The following CLEC16A variants were observed in gnomAD, a reference collection of about 807,000 sequenced individuals.
CLEC16A encodes protein CLEC16A.
Under a neutral mutation model 109.5 loss-of-function variants are expected in CLEC16A, and 51 were observed. The observed-to-expected ratio is 0.47, with a 90% CI of 0.37 to 0.59. The LOEUF is 0.59. Ranked by LOEUF, CLEC16A falls within the 20% of genes least tolerant of loss-of-function variation. The pLI is 0.00. For missense variants in CLEC16A, 1,339 were observed against 1,394.0 expected (o/e 0.96, Z 0.63); for synonymous variants, 673 against 564.2 (o/e 1.19, Z -2.73).
At chr16:10,988,461 G>A (rs2043804146) in intron 10 of CLEC16A, among the ~76,000 whole-genome samples, 1 of 152,176 alleles carries the variant, frequency 6.6e-6, no homozygotes, top group Non-Finnish European at 1.5e-5. Context: ...CCATCATGGG[G>A]CTTGCCAGAG....
chr16:11,065,670 A>G (rs1286729214), intron 19 of CLEC16A, among the ~76,000 whole-genome samples: 1 of 152,260 alleles, frequency 6.6e-6, no homozygotes, highest in Non-Finnish European at 1.5e-5. Flanking sequence ...GCTGGAGAAT[A>G]ACCAGGAGGA....
intron 13 of CLEC16A, chr16:11,027,683 T>G (rs897375679): frequency 1.3e-6 from 2 of 1,574,492 alleles, no homozygotes; most frequent in African/African-American, 2.7e-5. Context: ...CTACCAAAAA[T>G]AGAGTGGGCT....
intron 19 of CLEC16A, among the ~76,000 whole-genome samples, chr16:11,107,572 G>A (rs955442121): frequency 1.3e-5 from 2 of 152,166 alleles, no homozygotes; most frequent in South Asian, 4.1e-4. Flanking sequence ...CCCTTCTTTT[G>A]TCTTGAAAGT....
At chr16:10,992,545 AAAAG>A (rs2044086390) in intron 10 of CLEC16A, among the ~76,000 whole-genome samples, 1 of 151,534 alleles carries the variant, frequency 6.6e-6, no homozygotes, top group African/African-American at 2.4e-5. Flanking sequence ...TAAAAAATAA[AAAAG>A]AAAAAGATAA....
intron 18 of CLEC16A, among the ~76,000 whole-genome samples, chr16:11,058,978 C>T (rs1463150400): frequency 6.6e-6 from 1 of 152,192 alleles, no homozygotes; most frequent in Non-Finnish European, 1.5e-5. Context: ...TGACCACCCA[C>T]GTCTTGGGCT....
intron 19 of CLEC16A, among the ~76,000 whole-genome samples, chr16:11,104,708 A>G (rs1438923963): frequency 1.3e-5 from 2 of 152,234 alleles, no homozygotes; most frequent in Non-Finnish European, 2.9e-5. Flanking sequence ...TCCCAACAGC[A>G]TTCCTACAAA....
intron 12 of CLEC16A, among the ~76,000 whole-genome samples, chr16:11,022,594 T>TG (rs1315879197): frequency 6.6e-6 from 1 of 151,978 alleles, no homozygotes; most frequent in African/African-American, 2.4e-5. Context: ...CTGTCTGCAC[T>TG]GGGGGTTAAA....
intron 10 of CLEC16A, 60 bp from the exon 11 acceptor site, chr16:11,003,014 T>A: frequency 3.6e-6 from 5 of 1,393,562 alleles, no homozygotes; most frequent in Non-Finnish European, 4.8e-6. Flanking sequence ...GGCAACTTGA[T>A]AGCATCCAGC....
At chr16:11,005,847 C>T (rs1325506741) in intron 11 of CLEC16A, among the ~76,000 whole-genome samples, 3 of 152,120 alleles carry the variant, frequency 2.0e-5, no homozygotes, top group African/African-American at 4.8e-5. Flanking sequence ...AGATCTGACT[C>T]GCAGTCATGT....
chr16:11,059,628 C>T (rs1462195849), intron 18 of CLEC16A, among the ~76,000 whole-genome samples: 14 of 152,180 alleles, frequency 9.2e-5, no homozygotes, highest in Non-Finnish European at 7.3e-5. Flanking sequence ...CACCTCCCCT[C>T]ACCTAGGTCC....
At chr16:11,086,591 G>A (rs1238628133) in intron 19 of CLEC16A, among the ~76,000 whole-genome samples, 1 of 152,130 alleles carries the variant, frequency 6.6e-6, no homozygotes, top group Non-Finnish European at 1.5e-5. Flanking sequence ...TGCCCAGGCT[G>A]GAGTGCAGTG....
rs1261997135 is a variant in CLEC16A, at chr16:11,174,018, A to G, written c.2807-4317A>G. The G allele has an allele frequency of 5.5e-6, 2 of 361,930 alleles. No individual in the cohort carries two copies. The highest frequency in any genetic ancestry group is 2.1e-5 in the African/African-American group (1 of 46,890). 22.4% of individuals were successfully genotyped at this position (361,930 alleles called of 1,614,324 possible). On this transcript the variant is annotated intron_variant, in intron 23 of 23. Transcript: ENST00000409790. The surrounding 1 kb of genome is among the most constrained non-coding windows in gnomAD (Gnocchi z 4.7). ...CCCATGCACCGGTGGCCACAAGCCC[A>G]TGCTGGGCACTGCCCCACGACCCTC...
chr16:11,096,615 C>G (rs1005727763), intron 19 of CLEC16A, among the ~76,000 whole-genome samples: 1 of 152,186 alleles, frequency 6.6e-6, no homozygotes, highest in Non-Finnish European at 1.5e-5. Flanking sequence ...CACATGAGTT[C>G]ATTTTACAAA....
chr16:11,073,642 G>A (rs1489068989), intron 19 of CLEC16A, among the ~76,000 whole-genome samples: 1 of 152,204 alleles, frequency 6.6e-6, no homozygotes, highest in Non-Finnish European at 1.5e-5. Context: ...TGCCCAGGCT[G>A]CTCACAGGCT....
intron 13 of CLEC16A, among the ~76,000 whole-genome samples, chr16:11,028,201 CAAAAAGA>C (rs2046532793): frequency 6.6e-6 from 1 of 152,082 alleles, no homozygotes; most frequent in Non-Finnish European, 1.5e-5. Context: ...TCTGTCTCAA[CAAAAAGA>C]AAAGACAGTA....
intron 19 of CLEC16A, among the ~76,000 whole-genome samples, chr16:11,105,848 A>G (rs1231576309): frequency 1.3e-5 from 2 of 152,146 alleles, no homozygotes; most frequent in East Asian, 3.8e-4. Flanking sequence ...AGATTTATCC[A>G]CCTCTATCTG....
intron 10 of CLEC16A, among the ~76,000 whole-genome samples, chr16:10,999,389 A>G (rs1299948641): frequency 1.3e-5 from 2 of 152,192 alleles, no homozygotes; most frequent in African/African-American, 4.8e-5. Context: ...GCATCTTTCC[A>G]GGAAAAGTCG....
chr16:10,992,643 A>G (rs897185367), intron 10 of CLEC16A, among the ~76,000 whole-genome samples: 5 of 152,046 alleles, frequency 3.3e-5, no homozygotes, highest in Non-Finnish European at 5.9e-5. Flanking sequence ...CATGAGCAGA[A>G]TGTGCTCCAT....
rs1450525584 is a variant in CLEC16A at position 11,174,120 on chromosome 16, C to T, written c.2807-4215C>T. 2.2e-6 allele frequency: 1 copy of T among 462,568 alleles called. No individual in the cohort carries two copies. 28.7% of individuals were successfully genotyped at this position (462,568 alleles called of 1,614,324 possible). On this transcript the variant is annotated intron_variant, in intron 23 of 23. Transcript: ENST00000409790. The surrounding 1 kb of genome is among the most constrained non-coding windows in gnomAD (Gnocchi z 4.7). ...GCCTCTGCCGTCCCATTGTTAAAGG[C>T]TTTCTATGATCTGTCGCTGTGTTTT...
Sources: allele counts gnomAD v4.1 joint callset (sites outside exome capture counted in the v4.1 genomes callset), GRCh38; gene constraint gnomAD v4.1.1; non-coding constraint Gnocchi (gnomAD v3.1); transcripts MANE v1.5; gene names NCBI Gene and HGNC (gene_info 2026-07-23, HGNC 2026-07-21).